Variants in LTBP1 observed in about 807,000 individuals in gnomAD.
LTBP1 encodes latent transforming growth factor beta binding protein 1.
Under a neutral mutation model 207.6 loss-of-function variants are expected in LTBP1, and 129 were observed. The ratio of observed to expected loss-of-function variants is 0.62; its 90% CI spans 0.54 to 0.72. The LOEUF is 0.72. Ranked by LOEUF, LTBP1 falls within the 30% of genes least tolerant of loss-of-function variation. The pLI, the probability that LTBP1 is intolerant of heterozygous loss-of-function variation, is 0.00. For synonymous variants in LTBP1, 963 were observed against 833.7 expected (o/e 1.16, Z -2.67); for missense variants, 2,281 against 2,217.2 (o/e 1.03, Z -0.58).
chr2:33,279,035 A>G (rs1488036360), intron 18 of LTBP1, among the ~76,000 whole-genome samples: 1 of 152,196 alleles, frequency 6.6e-6, no homozygotes, highest in Non-Finnish European at 1.5e-5. Flanking sequence ...TAGTGGACCC[A>G]TTATATATTT....
intron 26 of LTBP1, among the ~76,000 whole-genome samples, chr2:33,359,488 A>T (rs2094902142): frequency 1.3e-5 from 2 of 152,194 alleles, no homozygotes; most frequent in Non-Finnish European, 2.9e-5. Flanking sequence ...AAACAAAGGT[A>T]AGTGTAAGTA....
intron 24 of LTBP1, among the ~76,000 whole-genome samples, chr2:33,336,242 G>A (rs913288738): frequency 8.5e-5 from 13 of 152,212 alleles, no homozygotes; most frequent in Admixed American, 7.2e-4. Flanking sequence ...GCAAACTCCA[G>A]TGTGCTTTTT....
intron 7 of LTBP1, among the ~76,000 whole-genome samples, chr2:33,212,673 G>T (rs1302587026): frequency 6.6e-6 from 1 of 152,150 alleles, no homozygotes; most frequent in Non-Finnish European, 1.5e-5. Flanking sequence ...TCTGCTTAAT[G>T]AGGTTGAATC....
At chr2:33,115,049 C>T (rs965132326) in intron 4 of LTBP1, among the ~76,000 whole-genome samples, 45 of 150,500 alleles carry the variant, frequency 3.0e-4, no homozygotes, top group South Asian at 2.1e-3. Flanking sequence ...CACACACACA[C>T]ACACACACAC....
At chr2:33,260,321 C>T (rs2092975524) in intron 13 of LTBP1, among the ~76,000 whole-genome samples, 1 of 152,090 alleles carries the variant, frequency 6.6e-6, no homozygotes, top group African/African-American at 2.4e-5. Context: ...TGATATATTG[C>T]TAGACTAAAT....
chr2:33,251,052 A>C (rs2092669629), intron 10 of LTBP1, among the ~76,000 whole-genome samples: 1 of 152,126 alleles, frequency 6.6e-6, no homozygotes, highest in African/African-American at 2.4e-5. Context: ...GAATTGGCCC[A>C]CTTGGACCCA....
chr2:33,039,842 G>A (rs1029692115), intron 3 of LTBP1, among the ~76,000 whole-genome samples: 1 of 152,142 alleles, frequency 6.6e-6, no homozygotes, highest in Non-Finnish European at 1.5e-5. Flanking sequence ...CGGAAAGGCA[G>A]GTTCTGGGCA....
At chr2:33,183,331 G>A (rs976653166) in intron 5 of LTBP1, among the ~76,000 whole-genome samples, 6 of 152,164 alleles carry the variant, frequency 3.9e-5, no homozygotes, top group Admixed American at 6.5e-5. Flanking sequence ...ATCCCTCTGA[G>A]ATGAGGAGAT....
At chr2:33,200,947 G>C (rs1351282828) in intron 7 of LTBP1, among the ~76,000 whole-genome samples, 1 of 152,190 alleles carries the variant, frequency 6.6e-6, no homozygotes, top group Admixed American at 6.5e-5. Flanking sequence ...ACACCAGTTA[G>C]AATGGCAATC....
chr2:33,034,953 C>T (rs552261913), intron 3 of LTBP1, among the ~76,000 whole-genome samples: 49 of 152,162 alleles, frequency 3.2e-4, no homozygotes, highest in Non-Finnish European at 6.0e-4. Flanking sequence ...ATTTTTATAC[C>T]GCAGAATGCC....
At chr2:33,397,390 T>A (rs1333226886) in intron 33 of LTBP1, 108 bp downstream of exon 33, 7 of 1,273,884 alleles carry the variant, frequency 5.5e-6, no homozygotes, top group Non-Finnish European at 7.8e-6. Context: ...TTTGAGAAGA[T>A]GAGAAAAGTT....
intron 5 of LTBP1, among the ~76,000 whole-genome samples, chr2:33,185,565 A>G (rs2087110324): frequency 6.6e-6 from 1 of 152,226 alleles, no homozygotes; most frequent in Admixed American, 6.5e-5. Context: ...CTTAACACAC[A>G]TCAGTATATA....
At chr2:33,369,180 G>T (rs1246978407) in intron 31 of LTBP1, among the ~76,000 whole-genome samples, 1 of 151,650 alleles carries the variant, frequency 6.6e-6, no homozygotes. Context: ...GGGGAAAAAA[G>T]ATAACACATG....
chr2:33,006,536 A>G (rs111283971), intron 2 of LTBP1, among the ~76,000 whole-genome samples: 2,232 of 151,618 alleles, frequency 0.015, 17 homozygotes, highest in Non-Finnish European at 0.022. Flanking sequence ...GCACCTAGCC[A>G]CCACACCCGG....
At position 33,360,591 on chromosome 2, in the gene LTBP1, A is replaced by G; in HGVS notation, c.4001-6A>G. ...ATTGTCACTCTACTTTCTCTACTCC[A>G]TTTAGATTTAGATGTAGATGTAGAT... On this transcript the variant is annotated splice_polypyrimidine_tract_variant and splice_region_variant and intron_variant, in intron 26 of 33. Coordinates refer to ENST00000404816, the MANE Select transcript of LTBP1 (RefSeq NM_206943.4). The G allele has an allele frequency of 6.2e-7, 1 of 1,602,996 alleles. No homozygotes were observed.
intron 2 of LTBP1, among the ~76,000 whole-genome samples, chr2:32,972,191 T>C (rs1195164363): frequency 7.5e-6 from 1 of 133,620 alleles, no homozygotes; most frequent in East Asian, 3.3e-4. Flanking sequence ...GATCTTCTCT[T>C]TTTTTTTCTT....
chr2:33,169,055 T>TAAAAAA, intron 5 of LTBP1, among the ~76,000 whole-genome samples: 1 of 152,226 alleles, frequency 6.6e-6, no homozygotes, highest in Admixed American at 6.5e-5. Flanking sequence ...AAAGGAGTTG[T>TAAAAAA]AGTCGGGCCT....
chr2:32,962,936 CCACT>C (rs1321733065), intron 2 of LTBP1, among the ~76,000 whole-genome samples: 1 of 152,252 alleles, frequency 6.6e-6, no homozygotes, highest in Non-Finnish European at 1.5e-5. Flanking sequence ...GGCTTGAGAA[CCACT>C]GCTCTAGCAG....
In LTBP1 at chr2:33,392,900, G is replaced by T. The variant is rs528411222; in HGVS notation, c.4834+3594G>T. Among the ~76,000 whole-genome samples, 19 of 150,624 alleles carry T rather than the reference G, an allele frequency of 1.3e-4. No individual in the cohort carries two copies. The South Asian group carries it at 3.1e-3, about 25-fold the overall frequency. On this transcript the variant is annotated intron_variant, in intron 32 of 33. Transcript: ENST00000404816. ...CACTTTTTTTTTTTTTTAAATTGGGGTCTCACTATATTGCCCAGGCTGGTC... is the reference window on the plus strand; with the variant it reads ...CACTTTTTTTTTTTTTTAAATTGGGTTCTCACTATATTGCCCAGGCTGGTC...
Sources: gnomAD v4.1 joint callset for allele counts (sites outside exome capture counted in the v4.1 genomes callset) on GRCh38, gnomAD v4.1.1 for gene constraint, MANE v1.5 for transcripts, NCBI Gene and HGNC (gene_info 2026-07-23, HGNC 2026-07-21) for gene names.